RFC3: variants seen among roughly 807,000 people sequenced by gnomAD.
The protein encoded by RFC3 is A1 38 kDa subunit.
A neutral mutation model predicts 45.1 loss-of-function variants in RFC3; 41 were observed. The ratio of observed to expected loss-of-function variants is 0.91; its 90% CI spans 0.71 to 1.18. The LOEUF is 1.18. RFC3 is among the 50% of genes most tolerant of loss of function. RFC3 has a pLI of 0.00. For missense variants in RFC3, 423 were observed against 428.1 expected (o/e 0.99, Z 0.10); for synonymous variants, 149 against 144.0 (o/e 1.03, Z -0.25).
chr13:33,878,767 G>A (rs141367082), intron 8 of RFC3, among the ~76,000 whole-genome samples: 16 of 152,190 alleles, frequency 1.1e-4, no homozygotes, highest in African/African-American at 3.9e-4. Flanking sequence ...TTCCATACCA[G>A]CTTCCATGAG....
chr13:33,862,361 T>C (rs1237106613), intron 8 of RFC3, among the ~76,000 whole-genome samples: 13 of 150,952 alleles, frequency 8.6e-5, no homozygotes, highest in South Asian at 2.1e-4. Context: ...CAATGAAATA[T>C]ATTTAACAGT....
At chr13:33,878,642 A>G (rs995821130) in intron 8 of RFC3, among the ~76,000 whole-genome samples, 5 of 152,156 alleles carry the variant, frequency 3.3e-5, no homozygotes. Flanking sequence ...GATGGAATGT[A>G]GCGGGTCTCC....
chr13:33,835,897 G>A (rs1566386551), intron 8 of RFC3, among the ~76,000 whole-genome samples: 1 of 152,102 alleles, frequency 6.6e-6, no homozygotes, highest in Admixed American at 6.6e-5. Context: ...TTAGAATGTG[G>A]TTGATACCCA....
intron 8 of RFC3, among the ~76,000 whole-genome samples, chr13:33,955,040 G>A (rs1238969958): frequency 2.0e-5 from 3 of 152,172 alleles, no homozygotes; most frequent in East Asian, 3.8e-4. Flanking sequence ...TTCTCATGCA[G>A]CCTCTCTACA....
Position 33,821,288 on chromosome 13 carries a change from G to A in RFC3, c.225+19G>A, listed in dbSNP as rs1178888999. On this transcript the variant is annotated intron_variant, in intron 2 of 8. Transcript: ENST00000380071. ...CATCACAGTAAGCATTTCACTTTGA[G>A]GCCCTGAAAGTAATTTATAGCGGGG... is the stretch of plus-strand genomic sequence containing the variant. The A allele has an allele frequency of 7.4e-6, 12 of 1,611,022 alleles. No homozygotes were observed. The highest frequency in any genetic ancestry group is 2.2e-5 in the East Asian group (1 of 44,822).
Position 33,836,505 on chromosome 13 carries a change from C to T in RFC3, c.*210C>T. Reference sequence around the variant, plus strand: ...TGTAGTTTTGTACATAACTTAGAGACTTTAGAGTCTAAGAAAATGATCTTA... The same window carrying T: ...TGTAGTTTTGTACATAACTTAGAGATTTTAGAGTCTAAGAAAATGATCTTA... On this transcript the variant is annotated 3_prime_UTR_variant, in exon 9 of 9. Coordinates refer to ENST00000380071, the MANE Select transcript of RFC3 (RefSeq NM_002915.4). The T allele has an allele frequency of 7.8e-7, 1 of 1,274,632 alleles. No individual in the cohort carries two copies. The allele number at this position is 1,274,632 out of a possible 1,614,324, so 79.0% of individuals were successfully genotyped here.
At position 33,818,236 on chromosome 13, in the gene RFC3, A is replaced by T. The variant is rs1004994421; in HGVS notation, c.58A>T (p.Lys20Ter). 1.2e-6 allele frequency: 2 copies of T among 1,613,594 alleles called. No individual in the cohort carries two copies. The highest frequency in any genetic ancestry group is 1.7e-6 in the Non-Finnish European group (2 of 1,179,948). Reference protein sequence around the residue: ...PCSLGRLDYHKEQAAQLRNLV... With the variant: ...PCSLGRLDYH ...CTCCTTGGGACGGCTGGACTATCAC[A>T]AGGAGCAGGCGGCCCAGCTGCGGAA... Residue 20 changes from lysine to a stop codon, truncating the protein, a stop_gained, in exon 1 of 9, where the codon AAG becomes TAG. Transcript: ENST00000380071. LOFTEE classifies it high-confidence loss of function.
chr13:33,934,702 A>G (rs1031413345), intron 8 of RFC3, among the ~76,000 whole-genome samples: 1 of 151,814 alleles, frequency 6.6e-6, no homozygotes, highest in African/African-American at 2.4e-5. Context: ...TTTGTGTTTC[A>G]TTTTCTGTCA....
chr13:33,960,169 G>A (rs1402007980), intron 8 of RFC3, among the ~76,000 whole-genome samples: 1 of 152,030 alleles, frequency 6.6e-6, no homozygotes, highest in African/African-American at 2.4e-5. Context: ...TTTCAACATG[G>A]GATCTGGGTG....
chr13:33,964,423 C>T (rs1294064959), intron 8 of RFC3, among the ~76,000 whole-genome samples: 2 of 152,196 alleles, frequency 1.3e-5, no homozygotes, highest in Admixed American at 1.3e-4. Context: ...GCTTGCACCT[C>T]ACTTGAGCCC....
chr13:33,893,994 C>T (rs886550629), intron 8 of RFC3, among the ~76,000 whole-genome samples: 1 of 152,160 alleles, frequency 6.6e-6, no homozygotes, highest in Non-Finnish European at 1.5e-5. Context: ...AAAACCCCAA[C>T]TTTCCAAAGG....
Position 33,899,204 on chromosome 13 carries a change from C to CAAAAAAAAAAAAAAAAAAA in RFC3, c.879+63994_879+64012dup, listed in dbSNP as rs59221382. On this transcript the variant is annotated intron_variant, in intron 8 of 8. Coordinates refer to the RFC3 transcript ENST00000434425. ...AAAACCAGACGAAGACACAATAAGA[C>CAAAAAAAAAAAAAAAAAAA]AAAAAAAAAAAAAAAAAAAAAAAAA... Among the ~76,000 whole-genome samples the CAAAAAAAAAAAAAAAAAAA allele has an allele frequency of 9.7e-3, 504 of 52,000 alleles. 6 individuals carry two copies. The highest frequency in any genetic ancestry group is 0.013 in the Non-Finnish European group (354 of 27,936). 34.1% of individuals were successfully genotyped at this position (52,000 alleles called of 152,430 possible).
downstream of RFC3, among the ~76,000 whole-genome samples, chr13:33,840,207 C>T (rs1402579838): frequency 6.6e-6 from 1 of 152,072 alleles, no homozygotes; most frequent in Non-Finnish European, 1.5e-5. Flanking sequence ...TCTGCCCCTT[C>T]CTCTAAGACT....
intron 8 of RFC3, among the ~76,000 whole-genome samples, chr13:33,856,274 G>T (rs1244227344): frequency 6.6e-6 from 1 of 152,086 alleles, no homozygotes; most frequent in Non-Finnish European, 1.5e-5. Flanking sequence ...TTATAAGTGG[G>T]AGTTAAATGA....
rs1211910282 is a variant in RFC3 at position 33,964,310 on chromosome 13, T to C, written c.880-1777T>C. The stretch of plus-strand genomic sequence containing the variant: ...AAAGCCTAGACTTTTTAAAAGCAAT[T>C]ATCAATCATAAGCTATAATGAAAAG... On this transcript the variant is annotated intron_variant, in intron 8 of 8. Transcript: ENST00000434425. Among the ~76,000 whole-genome samples, 6 of 152,198 alleles carry C rather than the reference T, an allele frequency of 3.9e-5. No individual in the cohort carries two copies. The South Asian group carries it at 1.2e-3, about 32-fold the overall frequency.
intron 8 of RFC3, among the ~76,000 whole-genome samples, chr13:33,917,910 G>A (rs1428022883): frequency 1.3e-5 from 2 of 152,018 alleles, no homozygotes; most frequent in East Asian, 3.9e-4. Context: ...CAGTAAGGGG[G>A]TGTCAGAGAT....
chr13:33,835,030 AGTT>A, intron 7 of RFC3, 115 bp from the exon 8 acceptor site: 1 of 594,788 alleles, frequency 1.7e-6, no homozygotes. Flanking sequence ...TAGGTCATAA[AGTT>A]GTTAATTCTG....
At chr13:33,953,112 G>A (rs916787608) in intron 8 of RFC3, among the ~76,000 whole-genome samples, 12 of 152,040 alleles carry the variant, frequency 7.9e-5, no homozygotes, top group African/African-American at 2.9e-4. Context: ...AATTTTGGGG[G>A]AAAATTTATC....
chr13:33,917,001 C>CTTAT lies in RFC3; in HGVS notation c.880-49084_880-49083insATTT, dbSNP rs1330627523. Among the ~76,000 whole-genome samples, 7 of 152,224 alleles carry CTTAT rather than the reference C, an allele frequency of 4.6e-5. No homozygotes were observed. The South Asian group carries it at 8.3e-4, about 18-fold the overall frequency. ...GCAATTTCTAAATGAGTGCAGGAGA[C>CTTAT]TTCAGAAATATTACTGTGCTAAATT... On this transcript the variant is annotated intron_variant, in intron 8 of 8. Transcript: ENST00000434425.
Sources: gnomAD v4.1 joint callset for allele counts (sites outside exome capture counted in the v4.1 genomes callset) on GRCh38, gnomAD v4.1.1 for gene constraint, MANE v1.5 for transcripts, NCBI Gene and HGNC (gene_info 2026-07-23, HGNC 2026-07-21) for gene names.